ATP6V0E1: variants seen among roughly 807,000 people sequenced by gnomAD.
The protein encoded by ATP6V0E1 is ATPase H+ transporting V0 subunit e1, also known as V-type proton ATPase subunit e 1.
A neutral mutation model predicts 11.6 loss-of-function variants in ATP6V0E1; 4 were observed. That is an observed-to-expected ratio of 0.35 (90% CI 0.17 to 0.79). ATP6V0E1 has a LOEUF of 0.79. ATP6V0E1 is among the 30% of genes least tolerant of loss of function. The pLI, the probability that ATP6V0E1 is intolerant of heterozygous loss-of-function variation, is 0.54. For synonymous variants in ATP6V0E1, 36 were observed against 34.8 expected (o/e 1.04, Z -0.13); for missense variants, 105 against 100.0 (o/e 1.05, Z -0.21).
At chr5:172,989,367 C>G (rs962758015) in intron 1 of ATP6V0E1, among the ~76,000 whole-genome samples, 3 of 152,114 alleles carry the variant, frequency 2.0e-5, no homozygotes, top group Non-Finnish European at 2.9e-5. Context: ...TTTGCCCTTT[C>G]TTTTCCCTGC....
chr5:173,020,286 A>G lies in ATP6V0E1; in HGVS notation c.201A>G (p.Gln67=). ...AACTCAACCCTCTCTTTGGACCGCA[A>G]TTGAAAAATGAAACCATCTGGTATC... ...LAQLNPLFGP[Q]LKNETIWYLK... The change falls in exon 3 of 4, where the codon CAA becomes CAG. Residue 67 remains glutamine, a synonymous_variant. Transcript: ENST00000519374. 3 of 1,614,040 alleles carry G rather than the reference A, an allele frequency of 1.9e-6. No homozygotes were observed. The highest frequency in any genetic ancestry group is 1.1e-5 in the South Asian group (1 of 91,070).
At chr5:172,989,944 T>C (rs915992212) in intron 1 of ATP6V0E1, among the ~76,000 whole-genome samples, 10 of 152,104 alleles carry the variant, frequency 6.6e-5, no homozygotes, top group African/African-American at 2.4e-4. Flanking sequence ...CACACAATCC[T>C]TCTGCTTCAG....
intron 2 of ATP6V0E1, among the ~76,000 whole-genome samples, chr5:173,006,212 T>C (rs1280630066): frequency 6.6e-6 from 1 of 152,226 alleles, no homozygotes; most frequent in Admixed American, 6.5e-5. Context: ...TTGTGGATTT[T>C]CCTGTTTCTC....
At chr5:172,995,693 C>G (rs746627714) in intron 2 of ATP6V0E1, among the ~76,000 whole-genome samples, 19 of 152,164 alleles carry the variant, frequency 1.2e-4, no homozygotes, top group Admixed American at 6.6e-4. Flanking sequence ...TAGCTCACTG[C>G]AGCCTCAAAC....
intron 1 of ATP6V0E1, among the ~76,000 whole-genome samples, chr5:172,992,000 TTCTTTCTGTCTG>T (rs1241114657): frequency 8.8e-6 from 1 of 113,938 alleles, no homozygotes; most frequent in African/African-American, 4.5e-5. Flanking sequence ...TCCTTCTTTC[TTCTTTCTGTCTG>T]TCTTTCTGTC....
chr5:173,032,806 T>C (rs904670873), intron 3 of ATP6V0E1, among the ~76,000 whole-genome samples: 1 of 152,222 alleles, frequency 6.6e-6, no homozygotes, highest in African/African-American at 2.4e-5. Context: ...AGATAAAATT[T>C]ATTTTATTGG....
rs565425817 is a variant in ATP6V0E1, at chr5:172,988,598, C to T, written c.104+4634C>T. Among the ~76,000 whole-genome samples the T allele has an allele frequency of 2.7e-3, 405 of 152,140 alleles. 2 individuals are homozygous for T. Among genetic ancestry groups the T allele is most frequent in the Non-Finnish European group, 4.5e-3 (305 of 68,000 alleles). ...TTTTAAAAAAAGGAAACATTAAAGC[C>T]GAATTAGTACTAGTTCCCCTTTACC... On this transcript the variant is annotated intron_variant, in intron 1 of 3. Coordinates refer to ENST00000519374, the MANE Select transcript of ATP6V0E1 (RefSeq NM_003945.4).
chr5:172,992,416 G>C (rs1401243423), intron 1 of ATP6V0E1, among the ~76,000 whole-genome samples: 1 of 152,084 alleles, frequency 6.6e-6, no homozygotes, highest in Non-Finnish European at 1.5e-5. Flanking sequence ...AGGCCACATG[G>C]TACCTCTTTG....
At chr5:173,015,297 G>C (rs1756384449) in intron 2 of ATP6V0E1, among the ~76,000 whole-genome samples, 1 of 152,198 alleles carries the variant, frequency 6.6e-6, no homozygotes, top group African/African-American at 2.4e-5. Flanking sequence ...TTGTGATATT[G>C]TGAAATACAA....
At chr5:172,998,860 G>C (rs553341499) in intron 2 of ATP6V0E1, among the ~76,000 whole-genome samples, 18 of 152,092 alleles carry the variant, frequency 1.2e-4, no homozygotes, top group Non-Finnish European at 2.1e-4. Context: ...GAAAATGGGG[G>C]CCGGGCGTGT....
At position 172,983,842 on chromosome 5, in the gene ATP6V0E1, T is replaced by C. The variant is rs1317561553; in HGVS notation, c.-19T>C. The C allele has an allele frequency of 6.2e-7, 1 of 1,612,064 alleles. No individual in the cohort carries two copies. Among genetic ancestry groups the C allele is most frequent in the East Asian group, 2.2e-5 (1 of 44,858 alleles). On this transcript the variant is annotated 5_prime_UTR_variant, in exon 1 of 4. Coordinates refer to ENST00000519374, the MANE Select transcript of ATP6V0E1 (RefSeq NM_003945.4). ...CCGAGTGAGGCGACGGGGTAGGGGT[T>C]GGCGCTCAGGCGGCGACCATGGCGT...
intron 2 of ATP6V0E1, 88 bp downstream of exon 2, chr5:172,994,910 T>C: frequency 9.6e-7 from 1 of 1,036,758 alleles, no homozygotes; most frequent in Non-Finnish European, 1.4e-6. Flanking sequence ...ATCCCTCATG[T>C]AATATCTAGA....
At chr5:172,990,541 T>C (rs1278759885) in intron 1 of ATP6V0E1, among the ~76,000 whole-genome samples, 1 of 151,992 alleles carries the variant, frequency 6.6e-6, no homozygotes, top group Non-Finnish European at 1.5e-5. Flanking sequence ...ATAATAGAGA[T>C]GGGCTAGCCG....
At chr5:172,991,975 T>G (rs1396986786) in intron 1 of ATP6V0E1, among the ~76,000 whole-genome samples, 1 of 149,868 alleles carries the variant, frequency 6.7e-6, no homozygotes, top group Non-Finnish European at 1.5e-5. Flanking sequence ...CCTTCTTCCT[T>G]TATTTTTCTT....
chr5:173,028,964 G>T (rs765777742), intron 3 of ATP6V0E1, among the ~76,000 whole-genome samples: 18 of 152,196 alleles, frequency 1.2e-4, no homozygotes, highest in Non-Finnish European at 2.2e-4. Flanking sequence ...GAAGTTACTT[G>T]GTTTAGCAAG....
intron 2 of ATP6V0E1, among the ~76,000 whole-genome samples, chr5:173,018,522 G>A (rs2113605709): frequency 6.6e-6 from 1 of 152,272 alleles, no homozygotes; most frequent in Admixed American, 6.5e-5. Context: ...TGGTCAGCTG[G>A]ATTTTGAGTA....
At chr5:172,999,682 C>T (rs1561769830) in intron 2 of ATP6V0E1, among the ~76,000 whole-genome samples, 1 of 152,200 alleles carries the variant, frequency 6.6e-6, no homozygotes, top group Non-Finnish European at 1.5e-5. Context: ...TTGCCTCTTG[C>T]TGTCTAGACA....
At chr5:173,020,995 T>C in intron 3 of ATP6V0E1, 4 of 508,552 alleles carry the variant, frequency 7.9e-6, no homozygotes, top group South Asian at 4.2e-5. Context: ...TTGTTTTGTG[T>C]TGCTATAAAG....
chr5:173,020,961 A>G (rs1454452752), intron 3 of ATP6V0E1: 2 of 517,884 alleles, frequency 3.9e-6, no homozygotes, highest in East Asian at 1.1e-4. Context: ...AATGCTTTGG[A>G]TGGAGAAAGG....
Sources: gnomAD v4.1 joint callset for allele counts (sites outside exome capture counted in the v4.1 genomes callset) on GRCh38, gnomAD v4.1.1 for gene constraint, MANE v1.5 for transcripts, NCBI Gene and HGNC (gene_info 2026-07-23, HGNC 2026-07-21) for gene names.